Variants in PDE1A observed in about 807,000 individuals in gnomAD.
PDE1A encodes the protein dual specificity calcium/calmodulin-dependent 3',5'-cyclic nucleotide phosphodiesterase 1A.
Under a neutral mutation model 61.7 loss-of-function variants are expected in PDE1A, and 35 were observed. The observed-to-expected ratio is 0.57, with a 90% CI of 0.43 to 0.75. The LOEUF (loss-of-function observed/expected upper bound fraction) is 0.75. PDE1A is among the 30% of genes least tolerant of loss of function. The pLI is 0.00. For synonymous variants in PDE1A, 232 were observed against 213.2 expected, an observed-to-expected ratio of 1.09 and a Z score of -0.77; for missense variants, 597 against 630.6, an observed-to-expected ratio of 0.95 and a Z score of 0.57.
intron 2 of PDE1A, among the ~76,000 whole-genome samples, chr2:182,516,695 A>AGGAAGGAG (rs1690177533): frequency 1.1e-5 from 1 of 93,954 alleles, no homozygotes; most frequent in Non-Finnish European, 2.1e-5. Context: ...GAGGGAAGGG[A>AGGAAGGAG]GGAAGGGAGG....
chr2:182,494,318 AAG>A (rs1312714028), intron 2 of PDE1A, among the ~76,000 whole-genome samples: 8 of 122,728 alleles, frequency 6.5e-5, no homozygotes, highest in Admixed American at 3.7e-4. Context: ...AGAAAAGAAA[AAG>A]AAACTGTGTA....
chr2:182,152,080 A>T (rs558122708), intron 13 of PDE1A, among the ~76,000 whole-genome samples: 36 of 152,328 alleles, frequency 2.4e-4, no homozygotes, highest in African/African-American at 8.2e-4. Flanking sequence ...AGTCTTTTCA[A>T]CAGAAATATT....
rs190313954 is a variant in PDE1A, at chr2:182,270,634, T to C, written c.54-6220A>G. 2.9e-3 allele frequency among the ~76,000 whole-genome samples: 439 copies of C among 151,236 alleles called. 1 individual carries two copies. Among genetic ancestry groups the C allele is most frequent in the African/African-American group, 0.01 (423 of 41,468 alleles). On this transcript the variant is annotated intron_variant, in intron 1 of 13. Transcript: ENST00000351439. ...ATCAACGTTCCCACTTGTGATCTGA[T>C]TGAAATACAAAAGTGAAAAGGATAT... is the stretch of plus-strand genomic sequence containing the variant.
chr2:182,514,227 T>C (rs991233847), intron 2 of PDE1A, among the ~76,000 whole-genome samples: 17 of 152,208 alleles, frequency 1.1e-4, no homozygotes, highest in African/African-American at 4.1e-4. Flanking sequence ...GTAGGAAGAA[T>C]CAACATTGCT....
intron 7 of PDE1A, among the ~76,000 whole-genome samples, chr2:182,221,199 G>C (rs6740401): frequency 1.3e-5 from 2 of 151,756 alleles, no homozygotes; most frequent in African/African-American, 2.4e-5. Context: ...GAATAGTAAA[G>C]GGAGAAAGCT....
At chr2:182,155,460 T>G (rs879832697) in intron 13 of PDE1A, among the ~76,000 whole-genome samples, 1 of 152,200 alleles carries the variant, frequency 6.6e-6, no homozygotes, top group African/African-American at 2.4e-5. Flanking sequence ...TTTTAAATTC[T>G]TCTATCTGAC....
At chr2:182,303,924 T>C (rs1421224372) in intron 1 of PDE1A, among the ~76,000 whole-genome samples, 7 of 148,788 alleles carry the variant, frequency 4.7e-5, no homozygotes, top group Non-Finnish European at 7.5e-5. Flanking sequence ...TTTGTTGAGA[T>C]GGAGTCTCGC....
chr2:182,273,579 C>T (rs1000247026), intron 1 of PDE1A, among the ~76,000 whole-genome samples: 3 of 151,958 alleles, frequency 2.0e-5, no homozygotes. Context: ...AGAAAATACA[C>T]ATTAAGTGAA....
intron 1 of PDE1A, among the ~76,000 whole-genome samples, chr2:182,272,038 A>G (rs187078496): frequency 6.6e-6 from 1 of 152,288 alleles, no homozygotes; most frequent in Non-Finnish European, 1.5e-5. Flanking sequence ...GAAAAGTCCA[A>G]TTTCTATCCC....
upstream of PDE1A, among the ~76,000 whole-genome samples, chr2:182,430,876 A>T (rs1351202608): frequency 3.4e-4 from 40 of 118,982 alleles, no homozygotes; most frequent in African/African-American, 1.2e-3. Flanking sequence ...CAAACACCGC[A>T]TATTCTCACT....
At chr2:182,236,717 C>T (rs1295714359) in intron 3 of PDE1A, among the ~76,000 whole-genome samples, 1 of 152,084 alleles carries the variant, frequency 6.6e-6, no homozygotes, top group East Asian at 1.9e-4. Context: ...TACTTTGCAG[C>T]CAATATCATT....
At chr2:182,646,350 G>A in the PDE1A span, among the ~76,000 whole-genome samples, 1 of 148,056 alleles carries the variant, frequency 6.8e-6, no homozygotes, top group Non-Finnish European at 1.5e-5. Flanking sequence ...TACTCGGGAG[G>A]CTGTGGCAGG....
intron 1 of PDE1A, among the ~76,000 whole-genome samples, chr2:182,336,537 A>G (rs1360820230): frequency 2.0e-5 from 3 of 152,060 alleles, no homozygotes; most frequent in Non-Finnish European, 4.4e-5. Context: ...CAAACACCAC[A>G]TGTTCTCACT....
At chr2:182,593,753 A>G in the PDE1A span, among the ~76,000 whole-genome samples, 1 of 152,196 alleles carries the variant, frequency 6.6e-6, no homozygotes. Flanking sequence ...CAGGACAGGG[A>G]CTGTGTCATC....
At chr2:182,678,404 C>T in the PDE1A span, among the ~76,000 whole-genome samples, 2 of 151,986 alleles carry the variant, frequency 1.3e-5, no homozygotes, top group Non-Finnish European at 1.5e-5. Context: ...GCCTGGGGGA[C>T]AAGAGCAAGG....
At chr2:182,221,256 C>T (rs1688702607) in intron 7 of PDE1A, among the ~76,000 whole-genome samples, 1 of 151,966 alleles carries the variant, frequency 6.6e-6, no homozygotes, top group Non-Finnish European at 1.5e-5. Context: ...GCCCACTGGC[C>T]TTTACTTTTC....
intron 6 of PDE1A, among the ~76,000 whole-genome samples, chr2:182,227,353 A>G (rs1349967180): frequency 6.6e-6 from 1 of 152,006 alleles, no homozygotes; most frequent in East Asian, 1.9e-4. Context: ...CAAAGTATGT[A>G]TGTGTATTAT....
At chr2:182,503,787 A>G (rs10931020) in intron 2 of PDE1A, among the ~76,000 whole-genome samples, 115,959 of 151,814 alleles carry the variant, frequency 0.76, 46,261 homozygotes, top group East Asian at 0.99. Context: ...TTGCCTGATT[A>G]TGTAACCCCA....
At chr2:182,295,470 A>C (rs1321589662) in intron 1 of PDE1A, among the ~76,000 whole-genome samples, 2 of 152,236 alleles carry the variant, frequency 1.3e-5, no homozygotes, top group Non-Finnish European at 2.9e-5. Flanking sequence ...TCTTAAAGTC[A>C]CATCAATGGT....
Sources: allele counts gnomAD v4.1 joint callset (sites outside exome capture counted in the v4.1 genomes callset), GRCh38; gene constraint gnomAD v4.1.1; transcripts MANE v1.5; gene names NCBI Gene and HGNC (gene_info 2026-07-23, HGNC 2026-07-21).